The following HTR2A variants were observed in gnomAD, a reference collection of about 807,000 sequenced individuals.
HTR2A encodes 5-HT2 receptor.
A neutral mutation model predicts 31.0 loss-of-function variants in HTR2A; 14 were observed. The observed-to-expected ratio is 0.45, with a 90% CI of 0.30 to 0.71. The LOEUF (loss-of-function observed/expected upper bound fraction) is 0.71, where lower values mean the gene tolerates loss of function less well. Among genes scored for constraint, HTR2A ranks in the 30% least tolerant of loss-of-function variants. The pLI, the probability that HTR2A is intolerant of heterozygous loss-of-function variation, is 0.09. For missense variants in HTR2A, 442 were observed against 573.3 expected (o/e 0.77, Z 2.34); for synonymous variants, 209 against 225.2 (o/e 0.93, Z 0.64).
rs1593448472 is a variant in HTR2A, at chr13:46,896,956, G to A, written c.-611C>T. On this transcript the variant is annotated 5_prime_UTR_variant, in exon 1 of 4. Coordinates refer to ENST00000542664, the MANE Select transcript of HTR2A (RefSeq NM_000621.5). ...AGGCACACATTTAGAAATCATTCAC[G>A]AGCCCCTCAAAGTCGCACAAAAGAA... The A allele has an allele frequency of 7.7e-6, 6 of 783,956 alleles. No homozygotes were observed. Among genetic ancestry groups the A allele is most frequent in the South Asian group, 5.0e-5 (3 of 60,176 alleles). 48.6% of individuals were successfully genotyped at this position (783,956 alleles called of 1,614,324 possible). A position where few individuals can be genotyped will look rare whatever the true frequency, so the allele number is the denominator to read the frequency against.
chr13:46,841,369 C>T (rs565493545), intron 3 of HTR2A, among the ~76,000 whole-genome samples: 1 of 152,100 alleles, frequency 6.6e-6, no homozygotes, highest in Non-Finnish European at 1.5e-5. Context: ...TCTAGCCAGA[C>T]ATTAAATTCA....
chr13:46,836,768 T>G (rs910062209), intron 3 of HTR2A, among the ~76,000 whole-genome samples: 1 of 152,164 alleles, frequency 6.6e-6, no homozygotes, highest in South Asian at 2.1e-4. Flanking sequence ...CTGAAAATAT[T>G]TATTACGTAG....
rs910364927 is a variant in HTR2A at position 46,865,987 on chromosome 13, C to T, written c.613+26403G>A. ...TTTTCTGGGTTCTCTCCAGCCATCT[C>T]ATGAGACTTCTTGCTGTATTTTTCA... On this transcript the variant is annotated intron_variant, in intron 3 of 3. Transcript: ENST00000542664. 2.6e-5 allele frequency among the ~76,000 whole-genome samples: 4 copies of T among 152,332 alleles called. No homozygotes were observed. The South Asian group carries it at 8.3e-4, about 32-fold the overall frequency.
At chr13:46,858,695 T>G (rs1246908899) in intron 3 of HTR2A, among the ~76,000 whole-genome samples, 1 of 151,666 alleles carries the variant, frequency 6.6e-6, no homozygotes, top group Non-Finnish European at 1.5e-5. Context: ...ACAGAGAGGG[T>G]GAGGAAGAAG....
chr13:46,867,766 G>C (rs1340689094), intron 3 of HTR2A, among the ~76,000 whole-genome samples: 2 of 152,214 alleles, frequency 1.3e-5, no homozygotes, highest in African/African-American at 4.8e-5. Flanking sequence ...TGCAACTACT[G>C]CAAGAAAGTG....
At chr13:46,862,757 C>A (rs1219987995) in intron 3 of HTR2A, among the ~76,000 whole-genome samples, 1 of 152,158 alleles carries the variant, frequency 6.6e-6, no homozygotes, top group Non-Finnish European at 1.5e-5. Context: ...TATAATAAAA[C>A]CTTATTTGAA....
At chr13:46,877,639 T>C (rs543261318) in intron 3 of HTR2A, among the ~76,000 whole-genome samples, 1 of 152,304 alleles carries the variant, frequency 6.6e-6, no homozygotes, top group Admixed American at 6.5e-5. Flanking sequence ...GAAGTACATT[T>C]TCTGCTTTGC....
rs1245551395 is a variant in HTR2A, at chr13:46,835,152, C to G, written c.1101G>C (p.Trp367Cys). Reference sequence around the variant, plus strand: ...TGACTGCTGAAGAGAGATAACCGATCCAAACAAACACATTGAGCAGGGCCC... The same window carrying G: ...TGACTGCTGAAGAGAGATAACCGATGCAAACAAACACATTGAGCAGGGCCC... ...VIGALLNVFV[W>C]IGYLSSAVNP... is the part of the protein sequence containing the mutation. The change falls in exon 4 of 4, where the codon TGG becomes TGC. Residue 367 changes from tryptophan (W) to cysteine (C), a missense_variant. By Grantham distance (215) the Trp-to-Cys change is radical (BLOSUM62 -2). Coordinates refer to ENST00000542664, the MANE Select transcript of HTR2A (RefSeq NM_000621.5). 1 of 1,614,042 alleles carries G rather than the reference C, an allele frequency of 6.2e-7. No homozygotes were observed. Among genetic ancestry groups the G allele is most frequent in the Admixed American group, 1.7e-5 (1 of 59,986 alleles).
chr13:46,893,833 A>G (rs1293113135), intron 2 of HTR2A, among the ~76,000 whole-genome samples: 2 of 152,256 alleles, frequency 1.3e-5, no homozygotes, highest in Non-Finnish European at 2.9e-5. Flanking sequence ...TTCTTATTAC[A>G]GACCCACAAA....
intron 3 of HTR2A, among the ~76,000 whole-genome samples, chr13:46,890,661 T>A (rs1951045827): frequency 6.6e-6 from 1 of 151,930 alleles, no homozygotes; most frequent in Non-Finnish European, 1.5e-5. Flanking sequence ...GATGGGGGAG[T>A]CAGTGTGGCT....
chr13:46,845,491 G>A (rs1276735155), intron 3 of HTR2A, among the ~76,000 whole-genome samples: 1 of 152,084 alleles, frequency 6.6e-6, no homozygotes, highest in Non-Finnish European at 1.5e-5. Context: ...ATCTATGATA[G>A]CAATCAGTTT....
At chr13:46,865,174 T>C (rs537753527) in intron 3 of HTR2A, among the ~76,000 whole-genome samples, 1 of 152,302 alleles carries the variant, frequency 6.6e-6, no homozygotes, top group African/African-American at 2.4e-5. Context: ...CTCACTCACT[T>C]CCTGGTATTA....
chr13:46,894,557 G>GT (rs1039016732), intron 2 of HTR2A, among the ~76,000 whole-genome samples: 3 of 152,320 alleles, frequency 2.0e-5, no homozygotes, highest in Admixed American at 2.0e-4. Flanking sequence ...CTGGGTTGAT[G>GT]TTTTTTAATC....
intron 3 of HTR2A, among the ~76,000 whole-genome samples, chr13:46,857,297 TA>T (rs34073547): frequency 0.011 from 1,484 of 133,376 alleles, 12 homozygotes; most frequent in South Asian, 0.023. Flanking sequence ...GACTCCATCT[TA>T]AAAAAAAAAA....
intron 2 of HTR2A, among the ~76,000 whole-genome samples, chr13:46,893,836 C>G (rs115526256): frequency 0.011 from 1,700 of 152,288 alleles, 29 homozygotes; most frequent in African/African-American, 0.038. Context: ...TTATTACAGA[C>G]CCACAAAGCC....
chr13:46,882,518 T>C (rs1019179432), intron 3 of HTR2A, among the ~76,000 whole-genome samples: 1 of 152,188 alleles, frequency 6.6e-6, no homozygotes, highest in Non-Finnish European at 1.5e-5. Context: ...GGAGGAAACA[T>C]TTAACTTTAT....
chr13:46,895,998 T>C lies in HTR2A; in HGVS notation c.-92A>G. 6.7e-7 allele frequency: 1 copy of C among 1,503,480 alleles called. No homozygotes were observed. The highest frequency in any genetic ancestry group is 8.8e-7 in the Non-Finnish European group (1 of 1,134,214). The allele number at this position is 1,503,480 out of a possible 1,614,324, so 93.1% of individuals were successfully genotyped here. ...TTCACCTTGATGTACCCACACTCTG[T>C]AACACTGAGGCTGGTGTACATGCTG... On this transcript the variant is annotated 5_prime_UTR_variant, in exon 2 of 4. Coordinates refer to ENST00000542664, the MANE Select transcript of HTR2A (RefSeq NM_000621.5). This position sits in a 1 kb window ranked among gnomAD's most constrained non-coding sequence, Gnocchi z 4.4.
rs546420133 is a variant in HTR2A at position 46,884,615 on chromosome 13, G to A, written c.613+7775C>T. On this transcript the variant is annotated intron_variant, in intron 3 of 3. Coordinates refer to ENST00000542664, the MANE Select transcript of HTR2A (RefSeq NM_000621.5). ...GGAGGCGGAGCTCGCAGTGAGCCAT[G>A]ATTGCACCACTGCACTCCAGCCTGG... is the stretch of plus-strand genomic sequence containing the variant. 2.0e-5 allele frequency among the ~76,000 whole-genome samples: 3 copies of A among 152,166 alleles called. 1 individual carries two copies. In the South Asian group the frequency reaches 6.2e-4, roughly 32 times the overall value.
intron 1 of HTR2A, 136 bp downstream of exon 1, chr13:46,896,534 CAAAA>C: frequency 1.4e-6 from 1 of 725,334 alleles, no homozygotes; most frequent in Non-Finnish European, 2.1e-6. Context: ...AAAAGGAAAA[CAAAA>C]AAGTCTTAAG....
Sources: gnomAD v4.1 joint callset for allele counts (sites outside exome capture counted in the v4.1 genomes callset) on GRCh38, gnomAD v4.1.1 for gene constraint, Gnocchi (gnomAD v3.1) non-coding constraint, MANE v1.5 for transcripts, NCBI Gene and HGNC (gene_info 2026-07-23, HGNC 2026-07-21) for gene names.